TMBIM1: variants seen among roughly 807,000 people sequenced by gnomAD.
TMBIM1 encodes protein lifeguard 3.
TMBIM1 carries 34 observed loss-of-function variants against 45.1 expected under a neutral mutation model. That is an observed-to-expected ratio of 0.75 (90% confidence interval 0.57 to 1.00). The LOEUF (loss-of-function observed/expected upper bound fraction) is 1.00. TMBIM1 is among the 50% of genes least tolerant of loss of function. TMBIM1 has a pLI of 0.00. For synonymous variants in TMBIM1, 157 were observed against 153.5 expected (o/e 1.02, Z -0.17); for missense variants, 374 against 402.4 (o/e 0.93, Z 0.60).
chr2:218,278,411 A>G, intron 6 of TMBIM1, 104 bp downstream of exon 6: 1 of 1,192,310 alleles, frequency 8.4e-7, no homozygotes, highest in South Asian at 1.2e-5. Flanking sequence ...CATTTCTTGT[A>G]AGTTTCCATT....
chr2:218,280,171 T>C (rs1327176519), intron 2 of TMBIM1, 45 bp from the exon 3 acceptor site: 1 of 1,415,804 alleles, frequency 7.1e-7, no homozygotes, highest in South Asian at 1.2e-5. Context: ...CTGAGACATG[T>C]GGCGTCAATC....
intron 1 of TMBIM1, among the ~76,000 whole-genome samples, chr2:218,292,161 G>T (rs1574668572): frequency 6.6e-6 from 1 of 152,358 alleles, no homozygotes; most frequent in Middle Eastern, 3.4e-3. Flanking sequence ...GTGCCCGAAA[G>T]AGGGAACACG....
rs762204736 is a variant in TMBIM1 at position 218,275,463 on chromosome 2, G to A, written c.*12C>T. 6.2e-7 allele frequency: 1 copy of A among 1,609,620 alleles called. No homozygotes were observed. Among genetic ancestry groups the A allele is most frequent in the Non-Finnish European group, 8.5e-7 (1 of 1,177,386 alleles). Reference sequence around the variant, plus strand: ...GAGAGCCCAGGATCGGGTGAAAATGGGGGCTTGCTCCTTAATTGCGATCCC... The same window carrying A: ...GAGAGCCCAGGATCGGGTGAAAATGAGGGCTTGCTCCTTAATTGCGATCCC... On this transcript the variant is annotated 3_prime_UTR_variant, in exon 12 of 12. Transcript: ENST00000258412.
At chr2:218,289,871 T>C (rs1232462437) in intron 1 of TMBIM1, 1 of 152,258 alleles carries the variant, frequency 6.6e-6, no homozygotes, top group Non-Finnish European at 1.5e-5. Context: ...GTCTGGACCC[T>C]ACGGCCAGCT....
intron 6 of TMBIM1, chr2:218,278,262 G>T: frequency 1.7e-6 from 1 of 604,070 alleles, no homozygotes; most frequent in Non-Finnish European, 2.9e-6. Flanking sequence ...TTTGAGCCTC[G>T]GGTTCTTCCT....
At chr2:218,291,344 C>G (rs956094332) in intron 1 of TMBIM1, among the ~76,000 whole-genome samples, 2 of 152,150 alleles carry the variant, frequency 1.3e-5, no homozygotes, top group Non-Finnish European at 2.9e-5. Flanking sequence ...AAGTATGGCT[C>G]CCCCTTTGCG....
intron 11 of TMBIM1, 65 bp downstream of exon 11, chr2:218,275,961 C>G: frequency 6.4e-7 from 1 of 1,551,886 alleles, no homozygotes; most frequent in Non-Finnish European, 8.8e-7. Context: ...AAATTCATGC[C>G]CCCTTCCCTA....
chr2:218,277,137 T>G, intron 9 of TMBIM1, 38 bp from the exon 10 acceptor site: 1 of 1,575,892 alleles, frequency 6.3e-7, no homozygotes, highest in Non-Finnish European at 8.7e-7. Flanking sequence ...GTCAGATGGC[T>G]GTGACAACCA....
In TMBIM1 at chr2:218,279,300, G is replaced by A. The variant is rs1691602568; in HGVS notation, c.357C>T (p.Ile119=). The change falls in exon 4 of 12, where the codon ATC becomes ATT. Residue 119 remains isoleucine (I), a synonymous_variant. Coordinates refer to ENST00000258412, the MANE Select transcript of TMBIM1 (RefSeq NM_022152.6). ...GCCTAGAGACTTACACAAAGGTGAAGATAGCAATGATGGCCACAGTGATGA... is the reference window on the plus strand; with the variant it reads ...GCCTAGAGACTTACACAAAGGTGAAAATAGCAATGATGGCCACAGTGATGA... ...QLLITVAIIA[I]FTFVEPVSAF... is the part of the protein sequence containing the mutation. 1 of 1,586,752 alleles carries A rather than the reference G, an allele frequency of 6.3e-7. No individual in the cohort carries two copies. Among genetic ancestry groups the A allele is most frequent in the East Asian group, 2.2e-5 (1 of 44,638 alleles).
At chr2:218,278,965 C>A in intron 5 of TMBIM1, 73 bp downstream of exon 5, 1 of 1,578,942 alleles carries the variant, frequency 6.3e-7, no homozygotes, top group Non-Finnish European at 8.7e-7. Flanking sequence ...CTGCCCTGAG[C>A]AAAGCTGGTC....
chr2:218,281,285 G>A (rs370447991), intron 2 of TMBIM1, among the ~76,000 whole-genome samples: 23 of 151,852 alleles, frequency 1.5e-4, no homozygotes, highest in African/African-American at 4.8e-4. Context: ...ACAGGTGCAC[G>A]CCACCACACC....
Position 218,279,020 on chromosome 2 carries a change from A to G in TMBIM1, c.422+18T>C. On this transcript the variant is annotated intron_variant, in intron 5 of 11. Coordinates refer to ENST00000258412, the MANE Select transcript of TMBIM1 (RefSeq NM_022152.6). Reference sequence around the variant, plus strand: ...CACCCCTGCCTCCCTGCCCAACCACAGAGGAGCACACACTCACTAGGACAC... The same window carrying G: ...CACCCCTGCCTCCCTGCCCAACCACGGAGGAGCACACACTCACTAGGACAC... The G allele has an allele frequency of 1.2e-6, 2 of 1,613,896 alleles. No homozygotes were observed. Among genetic ancestry groups the G allele is most frequent in the East Asian group, 2.2e-5 (1 of 44,870 alleles).
intron 2 of TMBIM1, among the ~76,000 whole-genome samples, chr2:218,281,256 C>T (rs973962235): frequency 1.3e-5 from 2 of 150,990 alleles, no homozygotes; most frequent in African/African-American, 4.9e-5. Flanking sequence ...CTGCCTCAGC[C>T]TCCTGAGTAG....
chr2:218,287,925 T>C lies in TMBIM1; in HGVS notation c.-41+4541A>G, dbSNP rs553111929. Among the ~76,000 whole-genome samples, 10 of 152,278 alleles carry C rather than the reference T, an allele frequency of 6.6e-5. No homozygotes were observed. The East Asian group carries it at 1.9e-3, about 29-fold the overall frequency. ...CTGGAGCAGAATCCTGTGATCAGAA[T>C]GGTAATCTCGGGTTACCCCACCCAA... On this transcript the variant is annotated intron_variant, in intron 1 of 11. Coordinates refer to ENST00000258412, the MANE Select transcript of TMBIM1 (RefSeq NM_022152.6).
At chr2:218,288,199 C>T (rs1023567169) in intron 1 of TMBIM1, among the ~76,000 whole-genome samples, 12 of 145,636 alleles carry the variant, frequency 8.2e-5, no homozygotes, top group African/African-American at 2.2e-4. Flanking sequence ...GAGGCCAAGG[C>T]GGGCGGATCA....
chr2:218,275,564 C>T lies in TMBIM1; in HGVS notation c.847G>A (p.Glu283Lys), dbSNP rs762435410. 3.2e-5 allele frequency: 52 copies of T among 1,613,838 alleles called. No individual in the cohort carries two copies. Among genetic ancestry groups the T allele is most frequent in the African/African-American group, 1.1e-4 (8 of 74,864 alleles). Residue 283 changes from glutamate (E) to lysine (K), a missense_variant, in exon 12 of 12, where the codon GAG becomes AAG. Coordinates refer to ENST00000258412, the MANE Select transcript of TMBIM1 (RefSeq NM_022152.6). ...LGNRKHTISP[E>K]DYITGALQIY... is the part of the protein sequence containing the mutation. ...TGCAGGGCGCCAGTGATGTAGTCCT[C>T]GGGGCTGATGGTGTGCTTCCGGTTC... is the stretch of plus-strand genomic sequence containing the variant.
intron 5 of TMBIM1, 102 bp from the exon 6 acceptor site, chr2:218,278,667 C>A (rs1574633216): frequency 3.1e-6 from 4 of 1,311,218 alleles, no homozygotes; most frequent in Non-Finnish European, 4.4e-6. Flanking sequence ...GTTTGGAAGT[C>A]TGAGGGGAAG....
In TMBIM1 at chr2:218,278,356, CT is replaced by C. The variant is rs1691471475; in HGVS notation, c.473+158del. 6.8e-6 allele frequency: 5 copies of C among 738,100 alleles called. No homozygotes were observed. In the Admixed American group the frequency reaches 1.2e-4, roughly 18 times the overall value. 45.7% of individuals were successfully genotyped at this position (738,100 alleles called of 1,614,324 possible). A position where few individuals can be genotyped will look rare whatever the true frequency, so the allele number is the denominator to read the frequency against. On this transcript the variant is annotated intron_variant, in intron 6 of 11. Transcript: ENST00000258412. ...AGTTAGCTCCTAAACACACATGGTC[CT>C]TTGTATACACCTGAACAGTAGCTGT... is the stretch of plus-strand genomic sequence containing the variant.
chr2:218,274,535 C>T lies in TMBIM1; in HGVS notation c.*940G>A, dbSNP rs559032091. The T allele has an allele frequency of 3.2e-5, 5 of 154,848 alleles. No homozygotes were observed. The highest frequency in any genetic ancestry group is 1.2e-4 in the African/African-American group (5 of 41,636). 9.6% of individuals were successfully genotyped at this position (154,848 alleles called of 1,614,324 possible). ...AAGTCTTCAGTACCACAGTAGGCTTCGGTATCTCCCTAGCCAGGTGAGGGA... is the reference window on the plus strand; with the variant it reads ...AAGTCTTCAGTACCACAGTAGGCTTTGGTATCTCCCTAGCCAGGTGAGGGA... On this transcript the variant is annotated 3_prime_UTR_variant, in exon 12 of 12. Transcript: ENST00000258412.
Sources: gnomAD v4.1 joint callset for allele counts (sites outside exome capture counted in the v4.1 genomes callset) on GRCh38, gnomAD v4.1.1 for gene constraint, MANE v1.5 for transcripts, NCBI Gene and HGNC (gene_info 2026-07-23, HGNC 2026-07-21) for gene names.